Variants in PTGFR observed in about 807,000 individuals in gnomAD.
PTGFR encodes the protein prostaglandin F2-alpha receptor.
PTGFR carries 15 observed loss-of-function variants against 26.2 expected under a neutral mutation model. The ratio of observed to expected loss-of-function variants is 0.57; its 90% CI spans 0.38 to 0.88. PTGFR has a LOEUF of 0.88. PTGFR is among the 40% of genes least tolerant of loss of function. The probability of loss-of-function intolerance (pLI) is 0.00; values close to 1 mark genes in which losing one functional copy is unlikely to be tolerated. For missense variants in PTGFR, 369 were observed against 427.2 expected (o/e 0.86, Z 1.20); for synonymous variants, 165 against 151.1 (o/e 1.09, Z -0.68).
chr1:78,493,933 G>A (rs1649480611), intron 2 of PTGFR, among the ~76,000 whole-genome samples: 1 of 152,236 alleles, frequency 6.6e-6, no homozygotes, highest in Admixed American at 6.5e-5. Context: ...TGTAAACAGG[G>A]CATATTAGCT....
intron 2 of PTGFR, among the ~76,000 whole-genome samples, chr1:78,498,453 G>A (rs927720861): frequency 6.6e-6 from 1 of 152,100 alleles, no homozygotes; most frequent in African/African-American, 2.4e-5. Flanking sequence ...ATACATAAAA[G>A]TGTAGATGTG....
intron 2 of PTGFR, among the ~76,000 whole-genome samples, chr1:78,501,988 C>T (rs1024460206): frequency 1.3e-5 from 2 of 152,148 alleles, no homozygotes; most frequent in African/African-American, 4.8e-5. Flanking sequence ...AAATAATCAT[C>T]TACGTTTAGT....
chr1:78,511,300 C>A (rs1649964085), intron 2 of PTGFR, among the ~76,000 whole-genome samples: 1 of 152,224 alleles, frequency 6.6e-6, no homozygotes, highest in South Asian at 2.1e-4. Flanking sequence ...GCCTGGGCAC[C>A]CAGCCTTCCC....
At position 78,538,177 on chromosome 1, in the gene PTGFR, T is replaced by C. The variant is rs1398165795; in HGVS notation, c.*1490T>C. 6.6e-6 allele frequency: 1 copy of C among 152,084 alleles called. No homozygotes were observed. Among genetic ancestry groups the C allele is most frequent in the Admixed American group, 6.6e-5 (1 of 15,238 alleles). The allele number at this position is 152,084 out of a possible 1,614,324, so 9.4% of individuals were successfully genotyped here. A position where few individuals can be genotyped will look rare whatever the true frequency, so the allele number is the denominator to read the frequency against. On this transcript the variant is annotated 3_prime_UTR_variant, in exon 3 of 3. Transcript: ENST00000370757. ...TGTTGATGTCTTGTGAACAGAGATA[T>C]AAGGAACCATTCTCCATCCTTCCTT...
chr1:78,492,402 T>C (rs2100343118), intron 1 of PTGFR, among the ~76,000 whole-genome samples: 1 of 152,338 alleles, frequency 6.6e-6, no homozygotes, highest in African/African-American at 2.4e-5. Context: ...GTCAGTGACG[T>C]GTCAGGGGGA....
At chr1:78,508,072 T>C (rs1471046963) in intron 2 of PTGFR, among the ~76,000 whole-genome samples, 1 of 152,188 alleles carries the variant, frequency 6.6e-6, no homozygotes, top group Non-Finnish European at 1.5e-5. Context: ...TATTACATTT[T>C]GCTTATACTC....
At chr1:78,511,924 T>C (rs560282289) in intron 2 of PTGFR, among the ~76,000 whole-genome samples, 2 of 152,276 alleles carry the variant, frequency 1.3e-5, no homozygotes, top group Non-Finnish European at 2.9e-5. Context: ...CCCAGGTCAT[T>C]ACTCTTAAAT....
intron 2 of PTGFR, among the ~76,000 whole-genome samples, chr1:78,517,333 C>T (rs750926146): frequency 2.0e-5 from 3 of 151,944 alleles, no homozygotes; most frequent in South Asian, 2.1e-4. Context: ...TTATGGGTTA[C>T]GGTCTTCTGA....
intron 2 of PTGFR, among the ~76,000 whole-genome samples, chr1:78,499,746 G>T (rs998749729): frequency 6.6e-6 from 1 of 152,184 alleles, no homozygotes; most frequent in Non-Finnish European, 1.5e-5. Flanking sequence ...AATTCTGTCA[G>T]CATCTAGAGG....
chr1:78,501,346 T>C (rs942021064), intron 2 of PTGFR, among the ~76,000 whole-genome samples: 2 of 152,216 alleles, frequency 1.3e-5, no homozygotes. Flanking sequence ...CACCCCAATT[T>C]AACCTGATAC....
chr1:78,537,507 A>G lies in PTGFR; in HGVS notation c.*820A>G, dbSNP rs898426139. On this transcript the variant is annotated 3_prime_UTR_variant, in exon 3 of 3. Coordinates refer to ENST00000370757, the MANE Select transcript of PTGFR (RefSeq NM_000959.4). ...CAGCAGTTTCAAAACTCTACCATGG[A>G]TAATGCAAACAAACCGAAGCTACAT... 2 of 152,154 alleles carry G rather than the reference A, an allele frequency of 1.3e-5. No homozygotes were observed. Among genetic ancestry groups the G allele is most frequent in the Admixed American group, 1.3e-4 (2 of 15,242 alleles). 9.4% of individuals were successfully genotyped at this position (152,154 alleles called of 1,614,324 possible). A position where few individuals can be genotyped will look rare whatever the true frequency, so the allele number is the denominator to read the frequency against.
At chr1:78,520,262 T>G (rs1650191434) in intron 2 of PTGFR, among the ~76,000 whole-genome samples, 1 of 152,130 alleles carries the variant, frequency 6.6e-6, no homozygotes, top group Admixed American at 6.6e-5. Context: ...AAATATATAC[T>G]TGTTGATCAT....
Position 78,494,900 on chromosome 1 carries a change from G to A in PTGFR, c.798+1359G>A, listed in dbSNP as rs372141071. Among the ~76,000 whole-genome samples, 14 of 152,284 alleles carry A rather than the reference G, an allele frequency of 9.2e-5. No homozygotes were observed. In the East Asian group the frequency reaches 1.4e-3, roughly 15 times the overall value. On this transcript the variant is annotated intron_variant, in intron 2 of 2. Transcript: ENST00000370757. ...ATTACAGGCGTGAGTCGCCACGCCC[G>A]GCCCACTAGTGCAGTTCTAATTAAC...
chr1:78,510,871 G>C (rs1008935731), intron 2 of PTGFR, among the ~76,000 whole-genome samples: 6 of 152,284 alleles, frequency 3.9e-5, no homozygotes, highest in Middle Eastern at 3.4e-3. Context: ...CCCAAAGGGG[G>C]AAATAGGCTA....
At chr1:78,519,849 G>C (rs1214008201) in intron 2 of PTGFR, among the ~76,000 whole-genome samples, 1 of 151,990 alleles carries the variant, frequency 6.6e-6, no homozygotes. Flanking sequence ...TAGTGGAGTA[G>C]GTTCTTACCT....
chr1:78,528,107 T>C (rs1028623085), intron 2 of PTGFR, among the ~76,000 whole-genome samples: 1 of 151,858 alleles, frequency 6.6e-6, no homozygotes, highest in Non-Finnish European at 1.5e-5. Flanking sequence ...GGAAATGTAT[T>C]CAAAAGGCTG....
chr1:78,503,128 T>A (rs1486056948), intron 2 of PTGFR, among the ~76,000 whole-genome samples: 1 of 152,038 alleles, frequency 6.6e-6, no homozygotes, highest in Non-Finnish European at 1.5e-5. Context: ...GAAGAGAAAC[T>A]CTTTAGTATT....
At position 78,519,351 on chromosome 1, in the gene PTGFR, T is replaced by C. The variant is rs12092164; in HGVS notation, c.799-17055T>C. On this transcript the variant is annotated intron_variant, in intron 2 of 2. Coordinates refer to ENST00000370757, the MANE Select transcript of PTGFR (RefSeq NM_000959.4). ...GATATTTGTGAGCTTCAGTAAAATATAGATATTAGATAATAGATAATAACC... is the reference window on the plus strand; with the variant it reads ...GATATTTGTGAGCTTCAGTAAAATACAGATATTAGATAATAGATAATAACC... 3.6e-3 allele frequency among the ~76,000 whole-genome samples: 553 copies of C among 152,268 alleles called. 2 individuals are homozygous for C. Among genetic ancestry groups the C allele is most frequent in the African/African-American group, 0.012 (504 of 41,562 alleles).
chr1:78,536,857 A>G lies in PTGFR; in HGVS notation c.*170A>G. The G allele has an allele frequency of 1.3e-6, 1 of 781,958 alleles. No individual in the cohort carries two copies. The highest frequency in any genetic ancestry group is 2.8e-5 in the East Asian group (1 of 35,090). The allele number at this position is 781,958 out of a possible 1,614,324, so 48.4% of individuals were successfully genotyped here. Reference sequence around the variant, plus strand: ...TTGAAATTTGTCAAATAAACAGGATAACTGTACATTTTTCACTTGTTTTTG... The same window carrying G: ...TTGAAATTTGTCAAATAAACAGGATGACTGTACATTTTTCACTTGTTTTTG... On this transcript the variant is annotated 3_prime_UTR_variant, in exon 3 of 3. Transcript: ENST00000370757.
Sources: allele counts gnomAD v4.1 joint callset (sites outside exome capture counted in the v4.1 genomes callset), GRCh38; gene constraint gnomAD v4.1.1; transcripts MANE v1.5; gene names NCBI Gene and HGNC (gene_info 2026-07-23, HGNC 2026-07-21).